Variants in CACNA1C observed in about 807,000 individuals in gnomAD.
The protein encoded by CACNA1C is voltage-dependent L-type calcium channel subunit alpha-1C.
Under a neutral mutation model 229.0 loss-of-function variants are expected in CACNA1C, and 30 were observed. That is an observed-to-expected ratio of 0.13 (90% CI 0.10 to 0.18). The LOEUF (loss-of-function observed/expected upper bound fraction) is 0.18, where lower values mean the gene tolerates loss of function less well. CACNA1C is among the 10% of genes least tolerant of loss of function. CACNA1C has a pLI of 1.00. For missense variants in CACNA1C, 1,658 were observed against 2,845.0 expected (o/e 0.58, Z 9.49); for synonymous variants, 1,114 against 1,132.5 (o/e 0.98, Z 0.33).
intron 1 of CACNA1C, among the ~76,000 whole-genome samples, chr12:2,003,679 T>C (rs1213534420): frequency 6.6e-6 from 1 of 152,244 alleles, no homozygotes; most frequent in Admixed American, 6.5e-5. Flanking sequence ...CTTGGTGTGC[T>C]GCCGTGTAAT....
rs1277413730 is a variant in CACNA1C at position 2,136,003 on chromosome 12, C to T, written c.477+15573C>T. ...CTCCGAGCCAGGTGTGGGATATAGT[C>T]TCGTGGTGCGCCGTTTTTTAAGCCG... is the stretch of plus-strand genomic sequence containing the variant. On this transcript the variant is annotated intron_variant, in intron 3 of 46. Coordinates refer to ENST00000399655, the MANE Select transcript of CACNA1C (RefSeq NM_000719.7). Among the ~76,000 whole-genome samples the T allele has an allele frequency of 8.0e-5, 12 of 150,592 alleles. No individual in the cohort carries two copies. In the South Asian group the frequency reaches 2.3e-3, roughly 29 times the overall value.
At chr12:2,249,976 T>G (rs987632731) in intron 3 of CACNA1C, among the ~76,000 whole-genome samples, 2 of 152,124 alleles carry the variant, frequency 1.3e-5, no homozygotes, top group Non-Finnish European at 2.9e-5. Flanking sequence ...GCCTGGCTAA[T>G]TTTTTGTATT....
intron 9 of CACNA1C, among the ~76,000 whole-genome samples, chr12:2,514,275 C>G (rs1274196210): frequency 6.6e-6 from 1 of 152,196 alleles, no homozygotes; most frequent in Admixed American, 6.5e-5. Flanking sequence ...TCTGCTCCCT[C>G]ATTTCAAAGA....
intron 1 of CACNA1C, among the ~76,000 whole-genome samples, chr12:2,101,137 A>T (rs897870990): frequency 2.0e-5 from 3 of 152,140 alleles, no homozygotes; most frequent in African/African-American, 7.2e-5. Flanking sequence ...TGTAATTTTC[A>T]TGGCTTCCTA....
chr12:2,477,912 C>T (rs1251034037), intron 5 of CACNA1C, among the ~76,000 whole-genome samples: 2 of 151,870 alleles, frequency 1.3e-5, no homozygotes, highest in African/African-American at 2.4e-5. Flanking sequence ...GTGGGACAAC[C>T]TCGTAGAAAT....
rs147665326 is a variant in CACNA1C, at chr12:2,196,127, G to C, written c.477+75697G>C. ...TTAGAGATTATGATGTAACTGATGA[G>C]AACTGTCTTGAGACTTCCTTTTGTA... is the stretch of plus-strand genomic sequence containing the variant. On this transcript the variant is annotated intron_variant, in intron 3 of 46. Transcript: ENST00000399655. Among the ~76,000 whole-genome samples the C allele has an allele frequency of 5.4e-3, 817 of 152,316 alleles. 5 individuals are homozygous for C. The highest frequency in any genetic ancestry group is 9.1e-3 in the Non-Finnish European group (621 of 68,024).
chr12:2,644,125 C>CTATTTAGAG (rs1381730347), intron 30 of CACNA1C, among the ~76,000 whole-genome samples: 1 of 152,214 alleles, frequency 6.6e-6, no homozygotes, highest in Non-Finnish European at 1.5e-5. Context: ...TAGAGACTCA[C>CTATTTAGAG]ACTCCCATGA....
intron 3 of CACNA1C, among the ~76,000 whole-genome samples, chr12:2,334,427 C>G (rs1175926623): frequency 6.6e-6 from 1 of 152,296 alleles, no homozygotes; most frequent in East Asian, 1.9e-4. Context: ...CAACTTCCAA[C>G]TAGCAGACTG....
At chr12:2,049,028 A>G (rs2051603673), upstream of CACNA1C, 1 of 152,280 alleles carries the variant, frequency 6.6e-6, no homozygotes, top group African/African-American at 2.4e-5. Context: ...AAGGAAAATG[A>G]AATCATAGTG....
At position 2,169,152 on chromosome 12, in the gene CACNA1C, C is replaced by T. The variant is rs538926882; in HGVS notation, c.477+48722C>T. Among the ~76,000 whole-genome samples, 15 of 152,234 alleles carry T rather than the reference C, an allele frequency of 9.9e-5. No individual in the cohort carries two copies. The South Asian group carries it at 1.9e-3, about 19-fold the overall frequency. ...GTGCACCACCTCTGTAAATCGATCC[C>T]GCACTCAGTTCGTGAAACATCAGGT... On this transcript the variant is annotated intron_variant, in intron 3 of 46. Transcript: ENST00000399655.
At chr12:2,369,492 G>A (rs537016571) in intron 3 of CACNA1C, among the ~76,000 whole-genome samples, 225 of 150,412 alleles carry the variant, frequency 1.5e-3, no homozygotes, top group Non-Finnish European at 2.7e-3. Flanking sequence ...CCCACCTCCC[G>A]GGTTCAAGCG....
intron 3 of CACNA1C, among the ~76,000 whole-genome samples, chr12:2,192,364 C>T (rs558679802): frequency 2.6e-5 from 4 of 152,314 alleles, no homozygotes; most frequent in East Asian, 1.9e-4. Context: ...AGCAGTTCAG[C>T]CCTCTCCAGT....
intron 5 of CACNA1C, among the ~76,000 whole-genome samples, chr12:2,469,676 A>G (rs1050416253): frequency 2.2e-4 from 34 of 152,224 alleles, no homozygotes; most frequent in African/African-American, 7.2e-4. Flanking sequence ...AGCACCATCA[A>G]CTGCATTGAG....
rs926684956 is a variant in CACNA1C at position 2,287,230 on chromosome 12, G to T, written c.478-161746G>T. 1.3e-5 allele frequency among the ~76,000 whole-genome samples: 2 copies of T among 152,184 alleles called. No individual in the cohort carries two copies. Among genetic ancestry groups the T allele is most frequent in the Admixed American group, 6.5e-5 (1 of 15,284 alleles). On this transcript the variant is annotated intron_variant, in intron 3 of 46. Transcript: ENST00000399655. This position sits in a 1 kb window ranked among gnomAD's most constrained non-coding sequence, Gnocchi z 4.6. ...TTCCCAAGGAATATTCTAGAGGAAG[G>T]GTTTCTGGGAATGACCTTCCCAAGG...
chr12:2,372,500 C>G (rs2097897676), intron 3 of CACNA1C, among the ~76,000 whole-genome samples: 1 of 152,152 alleles, frequency 6.6e-6, no homozygotes, highest in South Asian at 2.1e-4. Context: ...TCCAGTTAAT[C>G]CAGGAGAGAT....
At chr12:2,399,801 A>G (rs939043486) in intron 3 of CACNA1C, among the ~76,000 whole-genome samples, 3 of 152,196 alleles carry the variant, frequency 2.0e-5, no homozygotes, top group Non-Finnish European at 2.9e-5. Flanking sequence ...CCTCCTGGCC[A>G]TATCATCCCC....
intron 3 of CACNA1C, among the ~76,000 whole-genome samples, chr12:2,228,300 A>G (rs2063631844): frequency 6.6e-6 from 1 of 152,136 alleles, no homozygotes; most frequent in Non-Finnish European, 1.5e-5. Context: ...ACACGTGTAT[A>G]CTCTTTTAAT....
At chr12:2,022,864 T>C (rs988036561) in intron 1 of CACNA1C, among the ~76,000 whole-genome samples, 6 of 152,214 alleles carry the variant, frequency 3.9e-5, no homozygotes, top group African/African-American at 1.4e-4. Flanking sequence ...ATCAGTGGCA[T>C]TAAGTGAAGA....
chr12:2,344,835 A>G (rs1444388933), intron 3 of CACNA1C, among the ~76,000 whole-genome samples: 1 of 152,002 alleles, frequency 6.6e-6, no homozygotes, highest in African/African-American at 2.4e-5. Context: ...AACAGTGATA[A>G]CAAACCAGGA....
Sources: gnomAD v4.1 joint callset for allele counts (sites outside exome capture counted in the v4.1 genomes callset) on GRCh38, gnomAD v4.1.1 for gene constraint, Gnocchi (gnomAD v3.1) non-coding constraint, MANE v1.5 for transcripts, NCBI Gene and HGNC (gene_info 2026-07-23, HGNC 2026-07-21) for gene names.